Variants in CNTN5 observed in about 807,000 individuals in gnomAD.
The protein encoded by CNTN5 is contactin 5, also known as contactin-5.
In CNTN5, 77 loss-of-function variants were observed where a neutral mutation model predicts 129.1. That is an observed-to-expected ratio of 0.60 (90% CI 0.50 to 0.72). CNTN5 has a LOEUF of 0.72. Ranked by LOEUF, CNTN5 falls within the 30% of genes least tolerant of loss-of-function variation. The pLI is 0.00. For missense variants in CNTN5, 1,478 were observed against 1,328.8 expected (o/e 1.11, Z -1.75); for synonymous variants, 509 against 465.6 (o/e 1.09, Z -1.20).
At chr11:99,984,925 C>A (rs1324323333) in intron 8 of CNTN5, among the ~76,000 whole-genome samples, 3 of 152,104 alleles carry the variant, frequency 2.0e-5, no homozygotes, top group Non-Finnish European at 4.4e-5. Context: ...CAGAAGGGAG[C>A]ATGTGAGTAA....
At chr11:99,963,984 C>A (rs1951022494) in intron 8 of CNTN5, among the ~76,000 whole-genome samples, 1 of 152,100 alleles carries the variant, frequency 6.6e-6, no homozygotes, top group South Asian at 2.1e-4. Flanking sequence ...TATAAGAATG[C>A]TTCTGATTTT....
At chr11:99,283,323 CT>C (rs1863782396) in intron 1 of CNTN5, among the ~76,000 whole-genome samples, 1 of 152,014 alleles carries the variant, frequency 6.6e-6, no homozygotes, top group African/African-American at 2.4e-5. Flanking sequence ...CACTTTTTCG[CT>C]AAAAATTTTA....
intron 8 of CNTN5, among the ~76,000 whole-genome samples, chr11:99,961,255 G>A (rs1442178889): frequency 6.7e-6 from 1 of 149,764 alleles, no homozygotes; most frequent in Non-Finnish European, 1.5e-5. Flanking sequence ...GGAAGCCAAG[G>A]GGAAATAAGG....
intron 4 of CNTN5, among the ~76,000 whole-genome samples, chr11:99,829,006 C>T (rs1947055732): frequency 6.6e-6 from 1 of 151,978 alleles, no homozygotes; most frequent in Non-Finnish European, 1.5e-5. Flanking sequence ...ATCATTTTAG[C>T]AACAAAAGCT....
At chr11:99,445,410 T>G (rs1333983896) in intron 2 of CNTN5, among the ~76,000 whole-genome samples, 4 of 152,178 alleles carry the variant, frequency 2.6e-5, no homozygotes, top group Non-Finnish European at 4.4e-5. Context: ...TAATAACAGT[T>G]AATTTCCTTC....
intron 2 of CNTN5, among the ~76,000 whole-genome samples, chr11:99,486,122 G>A (rs1042272085): frequency 1.3e-5 from 2 of 151,630 alleles, no homozygotes; most frequent in African/African-American, 4.8e-5. Flanking sequence ...AATTTATTTG[G>A]TCTTTTCTGC....
intron 13 of CNTN5, among the ~76,000 whole-genome samples, chr11:100,146,656 A>C (rs1946860445): frequency 6.6e-6 from 1 of 152,160 alleles, no homozygotes; most frequent in Non-Finnish European, 1.5e-5. Flanking sequence ...ATTCTCAGCG[A>C]GTAGATCATA....
intron 3 of CNTN5, among the ~76,000 whole-genome samples, chr11:99,574,667 G>T (rs1281437743): frequency 1.3e-5 from 2 of 152,128 alleles, no homozygotes; most frequent in African/African-American, 4.8e-5. Context: ...TGGTGATGTT[G>T]AGCTTTTTTT....
intron 13 of CNTN5, among the ~76,000 whole-genome samples, chr11:100,102,417 G>GT (rs1201232886): frequency 2.6e-5 from 4 of 151,808 alleles, no homozygotes; most frequent in African/African-American, 2.4e-5. Context: ...GGGATTATTT[G>GT]TTTTTTCTTG....
At chr11:99,250,200 C>G (rs1437364053) in intron 1 of CNTN5, among the ~76,000 whole-genome samples, 1 of 151,968 alleles carries the variant, frequency 6.6e-6, no homozygotes, top group Non-Finnish European at 1.5e-5. Flanking sequence ...CCAGTGATAT[C>G]TCCTGTGTTC....
chr11:99,784,795 G>GGTTTTT (rs1565528297), intron 3 of CNTN5, among the ~76,000 whole-genome samples: 4 of 93,930 alleles, frequency 4.3e-5, no homozygotes, highest in Non-Finnish European at 4.1e-5. Context: ...ATCTCATTGT[G>GGTTTTT]TTTTTTTTTT....
chr11:99,157,209 T>G (rs1245855192), intron 1 of CNTN5, among the ~76,000 whole-genome samples: 1 of 152,032 alleles, frequency 6.6e-6, no homozygotes, highest in Non-Finnish European at 1.5e-5. Context: ...ACCTTCAAGA[T>G]AGAGAAGTAT....
intron 9 of CNTN5, among the ~76,000 whole-genome samples, chr11:100,011,569 C>A (rs1940534861): frequency 6.6e-6 from 1 of 152,222 alleles, no homozygotes; most frequent in Middle Eastern, 3.4e-3. Context: ...ATGACCTTTG[C>A]AAACTCATCT....
chr11:99,742,935 TCA>T (rs1414279222), intron 3 of CNTN5, among the ~76,000 whole-genome samples: 1 of 152,198 alleles, frequency 6.6e-6, no homozygotes, highest in Non-Finnish European at 1.5e-5. Context: ...TTCAGAAAGC[TCA>T]CAGTCTCACA....
chr11:100,098,649 A>G (rs945377069), intron 13 of CNTN5, among the ~76,000 whole-genome samples: 1 of 151,928 alleles, frequency 6.6e-6, no homozygotes, highest in African/African-American at 2.4e-5. Flanking sequence ...TATGTAACAA[A>G]CCACCCTAAA....
At chr11:100,323,163 A>G (rs1301195511) in intron 21 of CNTN5, among the ~76,000 whole-genome samples, 1 of 151,238 alleles carries the variant, frequency 6.6e-6, no homozygotes, top group African/African-American at 2.5e-5. Flanking sequence ...TCTGTCTTCA[A>G]TGTTTCTCTT....
chr11:100,177,740 G>A (rs1948013364), intron 13 of CNTN5, among the ~76,000 whole-genome samples: 1 of 152,238 alleles, frequency 6.6e-6, no homozygotes, highest in South Asian at 2.1e-4. Context: ...CATATACGTA[G>A]AGTTTAAAGT....
intron 17 of CNTN5, among the ~76,000 whole-genome samples, chr11:100,262,768 A>G (rs999979747): frequency 6.6e-6 from 1 of 152,158 alleles, no homozygotes; most frequent in African/African-American, 2.4e-5. Flanking sequence ...GGAGGGGAGC[A>G]TTACACACTG....
At chr11:100,298,845 C>G (rs1951155242) in intron 19 of CNTN5, among the ~76,000 whole-genome samples, 1 of 151,142 alleles carries the variant, frequency 6.6e-6, no homozygotes, top group African/African-American at 2.4e-5. Context: ...CAATTTTCCC[C>G]AACATGTTAA....
Sources: gnomAD v4.1 joint callset for allele counts (sites outside exome capture counted in the v4.1 genomes callset) on GRCh38, gnomAD v4.1.1 for gene constraint, MANE v1.5 for transcripts, NCBI Gene and HGNC (gene_info 2026-07-23, HGNC 2026-07-21) for gene names.